The following ZBTB16 variants were observed in gnomAD, a reference collection of about 807,000 sequenced individuals.
The protein encoded by ZBTB16 is zinc finger and BTB domain containing 16.
Under a neutral mutation model 56.8 loss-of-function variants are expected in ZBTB16, and 8 were observed. The observed-to-expected ratio is 0.14, with a 90% CI of 0.08 to 0.25. The LOEUF (loss-of-function observed/expected upper bound fraction) is 0.25, where lower values mean the gene tolerates loss of function less well. Ranked by LOEUF, ZBTB16 falls within the 10% of genes least tolerant of loss-of-function variation. The pLI is 1.00. For missense variants in ZBTB16, 625 were observed against 903.0 expected (o/e 0.69, Z 3.95); for synonymous variants, 363 against 368.5 (o/e 0.98, Z 0.17).
In ZBTB16 at chr11:114,197,130, A is replaced by G. The variant is rs909009529; in HGVS notation, c.1453+10092A>G. On this transcript the variant is annotated intron_variant, in intron 4 of 6. Coordinates refer to ENST00000335953, the MANE Select transcript of ZBTB16 (RefSeq NM_006006.6). Reference sequence around the variant, plus strand: ...TCAGCCCAAGGTTCTCTCCACTGTGACTACAAAATAAGTACTTTCTTTTAC... The same window carrying G: ...TCAGCCCAAGGTTCTCTCCACTGTGGCTACAAAATAAGTACTTTCTTTTAC... Among the ~76,000 whole-genome samples the G allele has an allele frequency of 4.6e-5, 7 of 152,344 alleles. No individual in the cohort carries two copies. The East Asian group carries it at 1.4e-3, about 29-fold the overall frequency.
chr11:114,061,720 G>T (rs953554824), intron 1 of ZBTB16, among the ~76,000 whole-genome samples: 2 of 152,206 alleles, frequency 1.3e-5, no homozygotes, highest in African/African-American at 4.8e-5. Context: ...GAGTCTAGGA[G>T]CCCTCTTATT....
rs887534269 is a variant in ZBTB16 at position 114,064,982 on chromosome 11, C to T, written c.1268+414C>T. Reference sequence around the variant, plus strand: ...TTACTAGGTTTCAGGTCCTCGGGTTCCCATGCAGTGGTCCCTGTGAAGACA... The same window carrying T: ...TTACTAGGTTTCAGGTCCTCGGGTTTCCATGCAGTGGTCCCTGTGAAGACA... On this transcript the variant is annotated intron_variant, in intron 2 of 6. Coordinates refer to ENST00000335953, the MANE Select transcript of ZBTB16 (RefSeq NM_006006.6). The surrounding 1 kb of genome is among the most constrained non-coding windows in gnomAD (Gnocchi z 4.2). Among the ~76,000 whole-genome samples, 7 of 152,142 alleles carry T rather than the reference C, an allele frequency of 4.6e-5. No individual in the cohort carries two copies. The highest frequency in any genetic ancestry group is 7.3e-5 in the Non-Finnish European group (5 of 68,028).
chr11:114,234,378 G>A (rs1016898192), intron 4 of ZBTB16, among the ~76,000 whole-genome samples: 3 of 152,210 alleles, frequency 2.0e-5, no homozygotes, highest in African/African-American at 7.2e-5. Flanking sequence ...TTTGAGACAA[G>A]TCTTCCAAGA....
intron 3 of ZBTB16, among the ~76,000 whole-genome samples, chr11:114,186,221 G>C (rs897427318): frequency 3.3e-5 from 5 of 152,148 alleles, no homozygotes; most frequent in African/African-American, 1.2e-4. Context: ...AGAAGCATGG[G>C]AGAATGTCAG....
In ZBTB16 at chr11:114,063,804, T is replaced by C; in HGVS notation, c.504T>C (p.Tyr168=). The part of the protein sequence containing the change: ...ISKHSSEESG[Y]ASVAGQSLPG... ...AGCATTCCAGCGAGGAGAGTGGGTATGCCAGTGTGGCTGGACAGAGCCTCC... is the reference window on the plus strand; with the variant it reads ...AGCATTCCAGCGAGGAGAGTGGGTACGCCAGTGTGGCTGGACAGAGCCTCC... The change falls in exon 2 of 7, where the codon TAT becomes TAC. Residue 168 remains tyrosine (Y), a synonymous_variant. Coordinates refer to ENST00000335953, the MANE Select transcript of ZBTB16 (RefSeq NM_006006.6). This position sits in a 1 kb window ranked among gnomAD's most constrained non-coding sequence, Gnocchi z 6.5. The C allele has an allele frequency of 1.2e-6, 2 of 1,614,168 alleles. No individual in the cohort carries two copies. The highest frequency in any genetic ancestry group is 1.1e-5 in the South Asian group (1 of 91,086).
chr11:114,182,820 C>G (rs1943279424), intron 3 of ZBTB16, among the ~76,000 whole-genome samples: 1 of 152,198 alleles, frequency 6.6e-6, no homozygotes, highest in Admixed American at 6.5e-5. Flanking sequence ...GAATGCAAAC[C>G]TGACATCATA....
intron 4 of ZBTB16, among the ~76,000 whole-genome samples, chr11:114,205,303 A>G (rs186058748): frequency 0.012 from 1,794 of 151,868 alleles, 43 homozygotes; most frequent in African/African-American, 0.039. Flanking sequence ...CCAGCTACTC[A>G]GGAGGCTGAG....
rs542143489 is a variant in ZBTB16 at position 114,143,045 on chromosome 11, C to T, written c.1269-13292C>T. 4.9e-4 allele frequency among the ~76,000 whole-genome samples: 74 copies of T among 152,248 alleles called. No individual in the cohort carries two copies. Among genetic ancestry groups the T allele is most frequent in the Non-Finnish European group, 9.0e-4 (61 of 68,018 alleles). On this transcript the variant is annotated intron_variant, in intron 2 of 6. Transcript: ENST00000335953. The surrounding 1 kb of genome is among the most constrained non-coding windows in gnomAD (Gnocchi z 6.4). Reference sequence around the variant, plus strand: ...ATGGGGAAATAAAGCCCCTGGCCAGCGTTGGTTTCTCTGCTGCCTTGGTGA... The same window carrying T: ...ATGGGGAAATAAAGCCCCTGGCCAGTGTTGGTTTCTCTGCTGCCTTGGTGA...
In ZBTB16 at chr11:114,064,418, G is replaced by A; in HGVS notation, c.1118G>A (p.Gly373Glu). ...AVSMDFSTYG[G>E]LLPQGFIQRE... ...TCCATGGACTTCAGCACCTATGGGG[G>A]GCTGCTGCCCCAGGGCTTCATCCAG... The change falls in exon 2 of 7, where the codon GGG becomes GAG. Residue 373 changes from glycine (G) to glutamate (E), a missense_variant. This residue lies in a region of ZBTB16 where 384 missense variants were observed against 393.5 expected (regional missense o/e 0.98). Transcript: ENST00000335953. The surrounding 1 kb of genome is among the most constrained non-coding windows in gnomAD (Gnocchi z 4.2). The A allele has an allele frequency of 1.9e-6, 3 of 1,614,120 alleles. No homozygotes were observed. The highest frequency in any genetic ancestry group is 1.7e-6 in the Non-Finnish European group (2 of 1,180,034).
intron 2 of ZBTB16, among the ~76,000 whole-genome samples, chr11:114,066,677 C>T (rs1051028100): frequency 2.0e-5 from 3 of 151,632 alleles, no homozygotes; most frequent in Non-Finnish European, 2.9e-5. Flanking sequence ...ATGTTATATT[C>T]GAAAGAGCCT....
At chr11:114,227,660 G>T (rs924484132) in intron 4 of ZBTB16, among the ~76,000 whole-genome samples, 1 of 152,094 alleles carries the variant, frequency 6.6e-6, no homozygotes, top group African/African-American at 2.4e-5. Flanking sequence ...GAAGACTAAG[G>T]CTGGGCCTCC....
At chr11:114,139,555 C>T (rs1224299258) in intron 2 of ZBTB16, among the ~76,000 whole-genome samples, 1 of 151,928 alleles carries the variant, frequency 6.6e-6, no homozygotes, top group Non-Finnish European at 1.5e-5. Flanking sequence ...TCCTTCTCCC[C>T]CCCCAAAGAC....
At chr11:114,238,006 C>G in intron 4 of ZBTB16, among the ~76,000 whole-genome samples, 1 of 152,196 alleles carries the variant, frequency 6.6e-6, no homozygotes, top group East Asian at 1.9e-4. Flanking sequence ...AGAGAGACCA[C>G]TGTAGGGACA....
At chr11:114,213,844 C>A (rs1490762669) in intron 4 of ZBTB16, among the ~76,000 whole-genome samples, 2 of 152,176 alleles carry the variant, frequency 1.3e-5, no homozygotes, top group African/African-American at 4.8e-5. Flanking sequence ...AAGTAACTTA[C>A]CTGAGGTCAC....
chr11:114,208,807 C>T (rs1943940567), intron 4 of ZBTB16, among the ~76,000 whole-genome samples: 1 of 152,144 alleles, frequency 6.6e-6, no homozygotes, highest in Admixed American at 6.5e-5. Context: ...ACAGACTGGT[C>T]CATTCAGTGA....
chr11:114,066,338 G>A (rs1198891380), intron 2 of ZBTB16, among the ~76,000 whole-genome samples: 5 of 152,130 alleles, frequency 3.3e-5, no homozygotes, highest in Non-Finnish European at 4.4e-5. Flanking sequence ...AAAAATAACC[G>A]CCACTAAGGT....
chr11:114,118,482 A>G (rs1371922826), intron 2 of ZBTB16, among the ~76,000 whole-genome samples: 1 of 152,138 alleles, frequency 6.6e-6, no homozygotes, highest in Non-Finnish European at 1.5e-5. Flanking sequence ...GGCCCAGGCT[A>G]GAGTTTTGGG....
chr11:114,080,375 C>T lies in ZBTB16; in HGVS notation c.1268+15807C>T, dbSNP rs1430735806. Reference sequence around the variant, plus strand: ...TCACCTTAGGATTGTCTGTTGGACTCGGCTCTTTTGTGACCTAACAGTGCA... The same window carrying T: ...TCACCTTAGGATTGTCTGTTGGACTTGGCTCTTTTGTGACCTAACAGTGCA... On this transcript the variant is annotated intron_variant, in intron 2 of 6. Coordinates refer to ENST00000335953, the MANE Select transcript of ZBTB16 (RefSeq NM_006006.6). Among the ~76,000 whole-genome samples the T allele has an allele frequency of 3.9e-5, 6 of 152,114 alleles. No individual in the cohort carries two copies. In the East Asian group the frequency reaches 7.7e-4, roughly 20 times the overall value.
chr11:114,079,616 T>G (rs867963216), intron 2 of ZBTB16, among the ~76,000 whole-genome samples: 11 of 152,258 alleles, frequency 7.2e-5, no homozygotes, highest in African/African-American at 2.7e-4. Flanking sequence ...CGCATTCTTT[T>G]GCTTTGCCTT....
Sources: gnomAD v4.1 joint callset for allele counts (sites outside exome capture counted in the v4.1 genomes callset) on GRCh38, gnomAD v4.1.1 for gene constraint, gnomAD v4.1.1 regional missense constraint, Gnocchi (gnomAD v3.1) non-coding constraint, MANE v1.5 for transcripts, NCBI Gene and HGNC (gene_info 2026-07-23, HGNC 2026-07-21) for gene names.